The following AFF3 variants were observed in gnomAD, a reference collection of about 807,000 sequenced individuals.
AFF3 encodes ALF transcription elongation factor 3, also known as AF4/FMR2 family member 3.
In AFF3, 32 loss-of-function variants were observed where a neutral mutation model predicts 129.7. That is an observed-to-expected ratio of 0.25 (90% CI 0.19 to 0.33). AFF3 has a LOEUF of 0.33. Among genes scored for constraint, AFF3 ranks in the 10% least tolerant of loss-of-function variants. AFF3 has a pLI of 1.00. For synonymous variants in AFF3, 644 were observed against 635.4 expected (o/e 1.01, Z -0.20); for missense variants, 1,373 against 1,592.0 (o/e 0.86, Z 2.34).
At chr2:99,927,656 T>C (rs1267117602) in intron 7 of AFF3, among the ~76,000 whole-genome samples, 2 of 152,064 alleles carry the variant, frequency 1.3e-5, no homozygotes, top group African/African-American at 2.4e-5. Flanking sequence ...GGTGATTAAA[T>C]AGTCTGTACA....
chr2:99,676,069 C>T (rs1038231729), intron 11 of AFF3, among the ~76,000 whole-genome samples: 7 of 151,512 alleles, frequency 4.6e-5, no homozygotes, highest in Admixed American at 3.9e-4. Context: ...GAAGGACTAG[C>T]CATCTGCATG....
intron 4 of AFF3, among the ~76,000 whole-genome samples, chr2:100,021,125 C>A (rs1053322273): frequency 6.6e-6 from 1 of 152,140 alleles, no homozygotes; most frequent in Non-Finnish European, 1.5e-5. Flanking sequence ...TCCCAGACTC[C>A]CCTCACCAAA....
At chr2:100,048,818 G>A (rs1253807698) in intron 4 of AFF3, among the ~76,000 whole-genome samples, 3 of 152,084 alleles carry the variant, frequency 2.0e-5, no homozygotes, top group Non-Finnish European at 4.4e-5. Context: ...AAATTAACAT[G>A]GGATTTCTTT....
intron 1 of AFF3, among the ~76,000 whole-genome samples, chr2:100,141,433 GTGCTCTTGTAGT>G: frequency 6.6e-6 from 1 of 152,152 alleles, no homozygotes; most frequent in Admixed American, 6.5e-5. Flanking sequence ...GTAAAGGAAG[GTGCTCTTGTAGT>G]TAGAACATTC....
chr2:99,827,333 GGA>G (rs1688166046), intron 8 of AFF3, among the ~76,000 whole-genome samples: 1 of 152,156 alleles, frequency 6.6e-6, no homozygotes, highest in East Asian at 1.9e-4. Context: ...AGGAGACCCA[GGA>G]GAAAGGACCA....
intron 7 of AFF3, among the ~76,000 whole-genome samples, chr2:99,999,835 A>AGCTCTAGAACCCACACTCCTCGCTCT (rs1269581848): frequency 3.3e-5 from 5 of 152,312 alleles, no homozygotes; most frequent in South Asian, 2.1e-4. Context: ...CAGACATTCC[A>AGCTCTAGAACCCACACTCCTCGCTCT]GCTCTAGAAC....
At chr2:99,688,190 T>C (rs1308176616) in intron 11 of AFF3, among the ~76,000 whole-genome samples, 1 of 152,184 alleles carries the variant, frequency 6.6e-6, no homozygotes, top group Non-Finnish European at 1.5e-5. Context: ...TTTCTTGCTT[T>C]GGATTATAAT....
chr2:99,577,466 C>A (rs1360835205), intron 18 of AFF3, among the ~76,000 whole-genome samples: 2 of 152,122 alleles, frequency 1.3e-5, no homozygotes, highest in African/African-American at 2.4e-5. Flanking sequence ...TTTCCAGTGT[C>A]CAGTGGGGTT....
Position 99,961,141 on chromosome 2 carries a change from T to C in AFF3, c.873+45491A>G, listed in dbSNP as rs1220663296. Reference sequence around the variant, plus strand: ...ACTCATTGTCACAGAGTTCTTCCCATCGCTCTTCTCCCACTAACATCTCCC... The same window carrying C: ...ACTCATTGTCACAGAGTTCTTCCCACCGCTCTTCTCCCACTAACATCTCCC... On this transcript the variant is annotated intron_variant, in intron 7 of 24. Transcript: ENST00000672756. Among the ~76,000 whole-genome samples, 6 of 152,148 alleles carry C rather than the reference T, an allele frequency of 3.9e-5. No individual in the cohort carries two copies. In the East Asian group the frequency reaches 9.6e-4, roughly 24 times the overall value.
intron 7 of AFF3, among the ~76,000 whole-genome samples, chr2:99,992,210 T>C (rs987861939): frequency 1.3e-5 from 2 of 152,246 alleles, no homozygotes; most frequent in East Asian, 3.8e-4. Flanking sequence ...TTCTGCTAGC[T>C]ATTTAATCTA....
At chr2:99,972,786 A>G (rs1213481270) in intron 7 of AFF3, among the ~76,000 whole-genome samples, 1 of 152,222 alleles carries the variant, frequency 6.6e-6, no homozygotes, top group Non-Finnish European at 1.5e-5. Context: ...AGCATGGTCA[A>G]GGAAGGAACA....
intron 12 of AFF3, among the ~76,000 whole-genome samples, chr2:99,663,674 T>C (rs1686434009): frequency 6.6e-6 from 1 of 152,218 alleles, no homozygotes. Flanking sequence ...GGATAAACCA[T>C]GTTCATTTAA....
intron 7 of AFF3, among the ~76,000 whole-genome samples, chr2:99,991,927 A>C (rs572235391): frequency 6.6e-6 from 1 of 151,830 alleles, no homozygotes; most frequent in Admixed American, 6.6e-5. Context: ...AAACAAAAAA[A>C]CCCAAAAAAC....
At chr2:99,885,072 AAT>A (rs1693006226) in intron 7 of AFF3, among the ~76,000 whole-genome samples, 1 of 152,166 alleles carries the variant, frequency 6.6e-6, no homozygotes, top group Non-Finnish European at 1.5e-5. Context: ...ACCAGCCGTT[AAT>A]AGCCCCTCAT....
At chr2:99,910,759 A>AT (rs1179346680) in intron 7 of AFF3, among the ~76,000 whole-genome samples, 1 of 152,252 alleles carries the variant, frequency 6.6e-6, no homozygotes, top group Admixed American at 6.5e-5. Flanking sequence ...AATTGCATGA[A>AT]TTTTAACAAG....
At chr2:99,862,755 G>A (rs930329479) in intron 7 of AFF3, among the ~76,000 whole-genome samples, 6 of 152,250 alleles carry the variant, frequency 3.9e-5, no homozygotes, top group South Asian at 4.1e-4. Flanking sequence ...GAAGTGGACC[G>A]AATGAGGTTG....
intron 7 of AFF3, among the ~76,000 whole-genome samples, chr2:99,947,637 T>TAGACAGACAGACAGAC (rs1229518187): frequency 2.1e-5 from 3 of 143,636 alleles, no homozygotes; most frequent in African/African-American, 7.9e-5. Flanking sequence ...GATAGATAGA[T>TAGACAGACAGACAGAC]AGATAGATAG....
chr2:99,697,733 C>G (rs915166301), intron 11 of AFF3, among the ~76,000 whole-genome samples: 8 of 152,222 alleles, frequency 5.3e-5, no homozygotes, highest in African/African-American at 1.9e-4. Context: ...AGCCCTAGTT[C>G]TGGTGTTAAC....
chr2:99,556,628 A>C lies in AFF3; in HGVS notation c.3286-1896T>G, dbSNP rs529809080. Among the ~76,000 whole-genome samples, 5 of 152,328 alleles carry C rather than the reference A, an allele frequency of 3.3e-5. No homozygotes were observed. The South Asian group carries it at 1.0e-3, about 32-fold the overall frequency. On this transcript the variant is annotated intron_variant, in intron 22 of 24. Coordinates refer to ENST00000672756, the MANE Select transcript of AFF3 (RefSeq NM_001386135.1). ...GGTTTCTGAACTCAAAGTAGCATTT[A>C]AATAGCCCTTGAGGCTGGGTGTATG... is the stretch of plus-strand genomic sequence containing the variant.
Sources: allele counts gnomAD v4.1 joint callset (sites outside exome capture counted in the v4.1 genomes callset), GRCh38; gene constraint gnomAD v4.1.1; transcripts MANE v1.5; gene names NCBI Gene and HGNC (gene_info 2026-07-23, HGNC 2026-07-21).